CCBE1: variants seen among roughly 807,000 people sequenced by gnomAD.
CCBE1 encodes the protein collagen and calcium-binding EGF domain-containing protein 1.
CCBE1 carries 37 observed loss-of-function variants against 50.0 expected under a neutral mutation model. That is an observed-to-expected ratio of 0.74 (90% confidence interval 0.57 to 0.97). The LOEUF is 0.97. CCBE1 is among the 50% of genes least tolerant of loss of function. CCBE1 has a pLI of 0.00. For synonymous variants in CCBE1, 234 were observed against 203.7 expected (o/e 1.15, Z -1.27); for missense variants, 538 against 523.8 (o/e 1.03, Z -0.26).
intron 10 of CCBE1, 137 bp from the exon 11 acceptor site, chr18:59,436,278 G>T: frequency 1.3e-6 from 1 of 754,282 alleles, no homozygotes; most frequent in Non-Finnish European, 2.3e-6. Flanking sequence ...TGTGAGGACT[G>T]CTACAGGAGC....
chr18:59,606,416 T>C (rs1467065163), intron 2 of CCBE1, among the ~76,000 whole-genome samples: 1 of 152,236 alleles, frequency 6.6e-6, no homozygotes, highest in Non-Finnish European at 1.5e-5. Flanking sequence ...AACTTTTGTT[T>C]AGAAGTCAGA....
At chr18:59,608,712 CTT>C (rs1369557505) in intron 2 of CCBE1, among the ~76,000 whole-genome samples, 1 of 152,214 alleles carries the variant, frequency 6.6e-6, no homozygotes, top group Non-Finnish European at 1.5e-5. Flanking sequence ...AAACGTCTCT[CTT>C]GTTCATAATC....
chr18:59,625,430 C>CAAAAAAAAAAAAAAAAA (rs750324482), intron 2 of CCBE1, among the ~76,000 whole-genome samples: 10 of 69,908 alleles, frequency 1.4e-4, no homozygotes, highest in African/African-American at 4.9e-4. Flanking sequence ...GATTCTGTCT[C>CAAAAAAAAAAAAAAAAA]AAAAAAAAAA....
At chr18:59,655,278 C>T (rs915297364) in intron 2 of CCBE1, among the ~76,000 whole-genome samples, 2 of 152,146 alleles carry the variant, frequency 1.3e-5, no homozygotes, top group Non-Finnish European at 1.5e-5. Flanking sequence ...TTAACATGCT[C>T]CATTCAACAT....
chr18:59,533,876 G>A (rs146641988), intron 2 of CCBE1, among the ~76,000 whole-genome samples: 143 of 152,256 alleles, frequency 9.4e-4, no homozygotes, highest in African/African-American at 3.1e-3. Context: ...TACAATATGC[G>A]TGAAAACACA....
intron 2 of CCBE1, among the ~76,000 whole-genome samples, chr18:59,501,075 A>G (rs763441431): frequency 3.3e-5 from 5 of 152,228 alleles, no homozygotes; most frequent in Admixed American, 2.6e-4. Context: ...TAGGATTTCA[A>G]TCCCCAAAGT....
In CCBE1 at chr18:59,439,662, T is replaced by C. The variant is rs749910047; in HGVS notation, c.915+15A>G. 2.5e-6 allele frequency: 4 copies of C among 1,614,252 alleles called. No individual in the cohort carries two copies. The highest frequency in any genetic ancestry group is 1.6e-4 in the Middle Eastern group (1 of 6,062). On this transcript the variant is annotated intron_variant, in intron 8 of 10. Coordinates refer to ENST00000439986, the MANE Select transcript of CCBE1 (RefSeq NM_133459.4). ...TTCCCCCAAAAAGGAAGTGGATCTC[T>C]GATAAGATACTGACCACAGGGCCCC...
At chr18:59,512,761 T>C (rs868094073) in intron 2 of CCBE1, among the ~76,000 whole-genome samples, 4 of 152,188 alleles carry the variant, frequency 2.6e-5, no homozygotes, top group Admixed American at 6.5e-5. Flanking sequence ...AAGGGTATTA[T>C]TGAGATATGT....
At chr18:59,472,310 T>C (rs1433037930) in intron 3 of CCBE1, among the ~76,000 whole-genome samples, 2 of 152,224 alleles carry the variant, frequency 1.3e-5, no homozygotes, top group African/African-American at 4.8e-5. Flanking sequence ...TCAATGATAC[T>C]TAGTTTTCCT....
At chr18:59,496,845 AATT>A (rs1913379171) in intron 2 of CCBE1, among the ~76,000 whole-genome samples, 2 of 152,296 alleles carry the variant, frequency 1.3e-5, no homozygotes, top group African/African-American at 4.8e-5. Context: ...ACTGAATCAG[AATT>A]ATTAACAAGT....
Position 59,696,645 on chromosome 18 carries a change from G to A in CCBE1, c.196C>T (p.Leu66Phe), listed in dbSNP as rs2054807676. 1 of 1,613,926 alleles carries A rather than the reference G, an allele frequency of 6.2e-7. No homozygotes were observed. Among genetic ancestry groups the A allele is most frequent in the African/African-American group, 1.3e-5 (1 of 74,934 alleles). Reference protein sequence around the residue: ...KYPCLKSSGELTTCYRKKCCK... With the variant: ...KYPCLKSSGEFTTCYRKKCCK... The stretch of plus-strand genomic sequence containing the variant: ...CAGGCTTACCTGTAGCATGTGGTGA[G>A]CTCGCCTGAAGACTTCAGACACGGG... Residue 66 changes from leucine to phenylalanine, a missense_variant, in exon 2 of 11, where the codon CTC (leucine) becomes TTC (phenylalanine). Leu to Phe is a conservative substitution (Grantham distance 22). Transcript: ENST00000439986.
intron 2 of CCBE1, among the ~76,000 whole-genome samples, chr18:59,529,859 A>G (rs1914980672): frequency 6.6e-6 from 1 of 152,086 alleles, no homozygotes; most frequent in Admixed American, 6.6e-5. Context: ...TTAAAACCAT[A>G]TGGATCTTTT....
At chr18:59,696,527 C>T in intron 2 of CCBE1, 102 bp downstream of exon 2, 1 of 1,586,336 alleles carries the variant, frequency 6.3e-7, no homozygotes, top group East Asian at 2.3e-5. Flanking sequence ...GTAAAAGCTG[C>T]TCCGGTCCCA....
At chr18:59,530,612 TG>T (rs2144352417) in intron 2 of CCBE1, among the ~76,000 whole-genome samples, 1 of 152,348 alleles carries the variant, frequency 6.6e-6, no homozygotes, top group South Asian at 2.1e-4. Flanking sequence ...CCCCTTTATA[TG>T]ATCCCAACTG....
intron 2 of CCBE1, among the ~76,000 whole-genome samples, chr18:59,587,378 A>T (rs1401540374): frequency 6.6e-6 from 1 of 152,148 alleles, no homozygotes; most frequent in African/African-American, 2.4e-5. Flanking sequence ...CAGACTGCAG[A>T]AGAAAAATCA....
At chr18:59,590,373 G>T (rs2053245036) in intron 2 of CCBE1, among the ~76,000 whole-genome samples, 1 of 152,088 alleles carries the variant, frequency 6.6e-6, no homozygotes, top group Non-Finnish European at 1.5e-5. Flanking sequence ...CTCTTGAACG[G>T]CAAAAAGGTA....
chr18:59,531,446 A>G (rs1479316464), intron 2 of CCBE1, among the ~76,000 whole-genome samples: 1 of 152,192 alleles, frequency 6.6e-6, no homozygotes, highest in African/African-American at 2.4e-5. Context: ...GAGCCAAAAA[A>G]AATTTTGTCC....
chr18:59,493,791 T>A (rs942842841), intron 2 of CCBE1, among the ~76,000 whole-genome samples: 1 of 152,188 alleles, frequency 6.6e-6, no homozygotes, highest in African/African-American at 2.4e-5. Context: ...AAATTGCATC[T>A]CCCACAATTC....
intron 2 of CCBE1, among the ~76,000 whole-genome samples, chr18:59,672,269 G>A (rs959666526): frequency 6.6e-6 from 1 of 152,146 alleles, no homozygotes; most frequent in Non-Finnish European, 1.5e-5. Flanking sequence ...GTGGTAGATG[G>A]TAACTTGCCT....
Sources: allele counts gnomAD v4.1 joint callset (sites outside exome capture counted in the v4.1 genomes callset), GRCh38; gene constraint gnomAD v4.1.1; transcripts MANE v1.5; gene names NCBI Gene and HGNC (gene_info 2026-07-23, HGNC 2026-07-21).